UNC80: variants seen among roughly 807,000 people sequenced by gnomAD.
The protein encoded by UNC80 is unc-80 subunit of NALCN channel complex.
In UNC80, 164 loss-of-function variants were observed where a neutral mutation model predicts 384.6. The ratio of observed to expected loss-of-function variants is 0.43; its 90% confidence interval spans 0.38 to 0.49. The LOEUF (loss-of-function observed/expected upper bound fraction) is 0.49, where lower values mean the gene tolerates loss of function less well. UNC80 is among the 20% of genes least tolerant of loss of function. UNC80 has a pLI of 0.00. For missense variants in UNC80, 3,330 were observed against 4,143.0 expected (o/e 0.80, Z 5.39); for synonymous variants, 1,486 against 1,527.8 (o/e 0.97, Z 0.64).
At chr2:209,871,066 GT>G (rs2084251731) in intron 22 of UNC80, among the ~76,000 whole-genome samples, 1 of 152,126 alleles carries the variant, frequency 6.6e-6, no homozygotes, top group African/African-American at 2.4e-5. Context: ...ATCTTTATTT[GT>G]TTTATGGTTG....
intron 24 of UNC80, among the ~76,000 whole-genome samples, chr2:209,880,167 A>G (rs1266544151): frequency 6.6e-6 from 1 of 152,200 alleles, no homozygotes; most frequent in Non-Finnish European, 1.5e-5. Flanking sequence ...TTGTGATGAC[A>G]CATATCTGAG....
At chr2:209,927,036 C>T in intron 36 of UNC80, 50 bp downstream of exon 36, 1 of 1,542,136 alleles carries the variant, frequency 6.5e-7, no homozygotes, top group Non-Finnish European at 8.8e-7. Context: ...AGCTGTTTAT[C>T]TGATAGAAGA....
intron 13 of UNC80, 81 bp downstream of exon 13, chr2:209,820,760 G>A (rs1233533881): frequency 9.1e-6 from 13 of 1,433,400 alleles, no homozygotes; most frequent in Admixed American, 2.8e-5. Context: ...GCAGTTTATT[G>A]AATCTGAACA....
At chr2:209,945,799 C>A (rs916324258) in intron 46 of UNC80, 48 bp from the exon 47 acceptor site, 1 of 1,314,324 alleles carries the variant, frequency 7.6e-7, no homozygotes, top group Non-Finnish European at 1.1e-6. Context: ...TTCTTTATCT[C>A]CTGCAAAATC....
rs1027107530 is a variant in UNC80, at chr2:209,863,857, C to T, written c.3628-8901C>T. On this transcript the variant is annotated intron_variant, in intron 22 of 64. Coordinates refer to ENST00000673920, the MANE Select transcript of UNC80 (RefSeq NM_001371986.1). ...TTCTGTCAATTTGTCCATGTGATCTCGGTCCAGTTCTGTGCCCTTGATGGA... is the reference window on the plus strand; with the variant it reads ...TTCTGTCAATTTGTCCATGTGATCTTGGTCCAGTTCTGTGCCCTTGATGGA... Among the ~76,000 whole-genome samples the T allele has an allele frequency of 2.6e-5, 4 of 151,930 alleles. No individual in the cohort carries two copies. In the East Asian group the frequency reaches 5.9e-4, roughly 22 times the overall value.
At position 209,814,169 on chromosome 2, in the gene UNC80, C is replaced by A. The variant is rs554651665; in HGVS notation, c.1200+328C>A. Among the ~76,000 whole-genome samples the A allele has an allele frequency of 4.6e-5, 7 of 151,986 alleles. No homozygotes were observed. In the Middle Eastern group the frequency reaches 0.01, roughly 228 times the overall value. ...CATTAAATCTGTTGATTACCAATATCATAAAATCTGTAACATAGGATTTTA... is the reference window on the plus strand; with the variant it reads ...CATTAAATCTGTTGATTACCAATATAATAAAATCTGTAACATAGGATTTTA... On this transcript the variant is annotated intron_variant, in intron 8 of 64. Transcript: ENST00000673920.
intron 50 of UNC80, 75 bp downstream of exon 50, chr2:209,959,229 C>A: frequency 6.7e-7 from 1 of 1,481,726 alleles, no homozygotes; most frequent in Non-Finnish European, 9.2e-7. Flanking sequence ...TGGTTTATGG[C>A]TCTATTAGAT....
chr2:209,798,550 T>TGGTA (rs1371857111), intron 7 of UNC80, among the ~76,000 whole-genome samples: 4 of 152,188 alleles, frequency 2.6e-5, no homozygotes, highest in Non-Finnish European at 5.9e-5. Context: ...ACCATGCTGT[T>TGGTA]TTGGTTACTG....
At chr2:209,886,990 C>T (rs1351599791) in intron 25 of UNC80, among the ~76,000 whole-genome samples, 1 of 151,978 alleles carries the variant, frequency 6.6e-6, no homozygotes, top group Non-Finnish European at 1.5e-5. Context: ...TAGAGGCCAC[C>T]CACATTTCTT....
chr2:209,996,954 A>G lies in UNC80; in HGVS notation c.*1359A>G, dbSNP rs1371436397. 1 of 152,166 alleles carries G rather than the reference A, an allele frequency of 6.6e-6. No individual in the cohort carries two copies. Among genetic ancestry groups the G allele is most frequent in the Non-Finnish European group, 1.5e-5 (1 of 68,022 alleles). 9.4% of individuals were successfully genotyped at this position (152,166 alleles called of 1,614,324 possible). On this transcript the variant is annotated 3_prime_UTR_variant, in exon 65 of 65. Coordinates refer to ENST00000673920, the MANE Select transcript of UNC80 (RefSeq NM_001371986.1). ...ATGAAGTTAAATATAGACTTTAATT[A>G]CCCTGCAATGAATTTAAAACACATT...
At chr2:209,958,837 C>CGGAG (rs2092498414) in intron 49 of UNC80, among the ~76,000 whole-genome samples, 1 of 152,174 alleles carries the variant, frequency 6.6e-6, no homozygotes, top group Non-Finnish European at 1.5e-5. Flanking sequence ...AAATTTCTCT[C>CGGAG]ATTTGGCTAT....
At chr2:209,972,359 G>A in intron 55 of UNC80, 35 bp downstream of exon 55, 2 of 1,545,508 alleles carry the variant, frequency 1.3e-6, no homozygotes, top group Non-Finnish European at 1.7e-6. Flanking sequence ...ATTTATCATT[G>A]TTGTTGTGTT....
intron 25 of UNC80, 138 bp downstream of exon 25, chr2:209,881,232 T>C (rs1339092384): frequency 2.0e-6 from 2 of 987,728 alleles, no homozygotes; most frequent in African/African-American, 1.6e-5. Context: ...CCAAGGGATT[T>C]TGAAACATAA....
Position 209,834,927 on chromosome 2 carries a change from C to A in UNC80, c.2958C>A (p.Ser986Arg), listed in dbSNP as rs769665195. ...PAGSKRSEAG[S>R]IVDKGQVSSA... ...ATTTGCATAGGTCAGAGGCGGGAAGCATTGTGGATAAAGGCCAGGTATCCT... is the reference window on the plus strand; with the variant it reads ...ATTTGCATAGGTCAGAGGCGGGAAGAATTGTGGATAAAGGCCAGGTATCCT... Residue 986 changes from serine (S) to arginine (R), a missense_variant, in exon 18 of 65, where the codon AGC (serine) becomes AGA (arginine). Ser to Arg is a moderately radical substitution (Grantham distance 110). Around this residue, in one of 8 missense-constraint regions of UNC80, gnomAD observed 801 missense variants for 950.8 expected, o/e 0.84. Coordinates refer to ENST00000673920, the MANE Select transcript of UNC80 (RefSeq NM_001371986.1). 2.6e-6 allele frequency: 4 copies of A among 1,550,140 alleles called. No homozygotes were observed. In the African/African-American group the frequency reaches 5.5e-5, roughly 21 times the overall value.
chr2:209,944,995 A>G, intron 45 of UNC80, 56 bp from the exon 46 acceptor site: 1 of 1,532,250 alleles, frequency 6.5e-7, no homozygotes, highest in Non-Finnish European at 8.8e-7. Context: ...ATTCCTGTCA[A>G]GTTATAGTTT....
At chr2:209,941,605 G>C in intron 44 of UNC80, 116 bp downstream of exon 44, 1 of 1,176,640 alleles carries the variant, frequency 8.5e-7, no homozygotes, top group Non-Finnish European at 1.1e-6. Flanking sequence ...CTTCTTTTGT[G>C]ACAACAGAAG....
intron 35 of UNC80, among the ~76,000 whole-genome samples, chr2:209,924,874 A>G (rs1439785399): frequency 6.6e-6 from 1 of 150,948 alleles, no homozygotes; most frequent in Non-Finnish European, 1.5e-5. Flanking sequence ...GGGATTTTCC[A>G]TGGGGTTCTA....
At chr2:209,856,501 A>G (rs2082929052) in intron 22 of UNC80, among the ~76,000 whole-genome samples, 2 of 152,088 alleles carry the variant, frequency 1.3e-5, no homozygotes, top group Admixed American at 1.3e-4. Flanking sequence ...TGAAATTCCA[A>G]GGTAGCAAAG....
At chr2:209,906,828 AT>A (rs2088281595) in intron 29 of UNC80, among the ~76,000 whole-genome samples, 1 of 152,182 alleles carries the variant, frequency 6.6e-6, no homozygotes, top group Admixed American at 6.5e-5. Flanking sequence ...ATCTATTTTT[AT>A]TTATGTAAAT....
Sources: allele counts gnomAD v4.1 joint callset (sites outside exome capture counted in the v4.1 genomes callset), GRCh38; gene constraint gnomAD v4.1.1; regional missense constraint gnomAD v4.1.1; transcripts MANE v1.5; gene names NCBI Gene and HGNC (gene_info 2026-07-23, HGNC 2026-07-21).